ANKAR: variants seen among roughly 807,000 people sequenced by gnomAD.
ANKAR encodes the protein ankyrin and armadillo repeat-containing protein.
In ANKAR, 136 loss-of-function variants were observed where a neutral mutation model predicts 146.2. That is an observed-to-expected ratio of 0.93 (90% confidence interval 0.81 to 1.07). ANKAR has a LOEUF of 1.07. ANKAR is among the 50% of genes least tolerant of loss of function. ANKAR has a pLI of 0.00. For synonymous variants in ANKAR, 500 were observed against 575.8 expected, an observed-to-expected ratio of 0.87 and a Z score of 1.88; for missense variants, 1,567 against 1,679.9, an observed-to-expected ratio of 0.93 and a Z score of 1.18.
chr2:189,681,074 G>A (rs1256824755), intron 2 of ANKAR, among the ~76,000 whole-genome samples: 1 of 152,196 alleles, frequency 6.6e-6, no homozygotes, highest in Non-Finnish European at 1.5e-5. Context: ...TCTCATTTGA[G>A]AGGACGTGGG....
chr2:189,717,217 C>G (rs1306809424), intron 10 of ANKAR, among the ~76,000 whole-genome samples: 3 of 152,120 alleles, frequency 2.0e-5, no homozygotes, highest in Non-Finnish European at 2.9e-5. Context: ...TATCCAGAAT[C>G]TACGGAGAAC....
chr2:189,733,154 G>C lies in ANKAR; in HGVS notation c.3348G>C (p.Val1116=). 6.2e-7 allele frequency: 1 copy of C among 1,612,864 alleles called. No individual in the cohort carries two copies. Among genetic ancestry groups the C allele is most frequent in the Non-Finnish European group, 8.5e-7 (1 of 1,179,362 alleles). The change falls in exon 17 of 23, where the codon GTG becomes GTC. Residue 1116 remains valine, a synonymous_variant. Transcript: ENST00000684021. ...CATGCATTGTCCTAGGGAATGATGT[G>C]TTACAGAAAGACTTACATGAAAATG... ...SLACIVLGND[V]LQKDLHENEG...
intron 19 of ANKAR, among the ~76,000 whole-genome samples, chr2:189,740,523 G>A (rs924921686): frequency 2.0e-5 from 3 of 152,074 alleles, no homozygotes; most frequent in Non-Finnish European, 4.4e-5. Flanking sequence ...ATAATATTCA[G>A]TTGCTAGCTG....
intron 18 of ANKAR, chr2:189,755,091 G>A: frequency 6.8e-7 from 1 of 1,477,704 alleles, no homozygotes; most frequent in East Asian, 2.3e-5. Flanking sequence ...ATATTTAGGT[G>A]AATGGTGGTA....
rs1045679080 is a variant in ANKAR, at chr2:189,758,305, C to A, written c.*585-2793C>A. Reference sequence around the variant, plus strand: ...CTGAGGGGGGAGAATCGCTTGAACCCGGGAGGCGGAGGTTGTGATGAGCCA... The same window carrying A: ...CTGAGGGGGGAGAATCGCTTGAACCAGGGAGGCGGAGGTTGTGATGAGCCA... On this transcript the variant is annotated intron_variant and NMD_transcript_variant, in intron 18 of 18. Coordinates refer to the ANKAR transcript ENST00000441800. Among the ~76,000 whole-genome samples, 3 of 152,080 alleles carry A rather than the reference C, an allele frequency of 2.0e-5. No homozygotes were observed. In the South Asian group the frequency reaches 6.2e-4, roughly 32 times the overall value.
chr2:189,699,834 T>A lies in ANKAR; in HGVS notation c.1708+3465T>A, dbSNP rs1006666496. On this transcript the variant is annotated intron_variant, in intron 7 of 22. Coordinates refer to ENST00000684021, the MANE Select transcript of ANKAR (RefSeq NM_001378068.1). ...GATGTGCACCACTACACCGTATATG[T>A]TTTGTATTTTTAGTAGAGACAGGGT... 3.3e-5 allele frequency among the ~76,000 whole-genome samples: 5 copies of A among 152,136 alleles called. No individual in the cohort carries two copies. In the East Asian group the frequency reaches 9.7e-4, roughly 29 times the overall value.
chr2:189,676,702 T>G lies in ANKAR; in HGVS notation c.212T>G (p.Ile71Ser). 6.2e-7 allele frequency: 1 copy of G among 1,614,208 alleles called. No homozygotes were observed. Among genetic ancestry groups the G allele is most frequent in the Non-Finnish European group, 8.5e-7 (1 of 1,180,044 alleles). Residue 71 changes from isoleucine to serine, a missense_variant, in exon 2 of 23, where the codon ATT (isoleucine) becomes AGT (serine). Transcript: ENST00000684021. ...VRSQVDLPCGIMSQMNNVGFS... is the reference protein window; with the variant it reads ...VRSQVDLPCGSMSQMNNVGFS... ...TCTCAAGTAGACCTCCCATGTGGAA[T>G]TATGAGTCAAATGAATAACGTAGGC...
intron 15 of ANKAR, 109 bp downstream of exon 15, chr2:189,728,930 TA>T (rs1298985433): frequency 9.4e-7 from 1 of 1,066,848 alleles, no homozygotes; most frequent in East Asian, 2.5e-5. Flanking sequence ...GTTTGAGCCC[TA>T]AATGGTATTT....
At chr2:189,732,971 C>T in intron 16 of ANKAR, 136 bp from the exon 17 acceptor site, 1 of 805,528 alleles carries the variant, frequency 1.2e-6, no homozygotes, top group South Asian at 3.1e-5. Context: ...AGTAAGATAA[C>T]TGGAATCAAT....
chr2:189,677,419 A>T (rs1411894716), intron 2 of ANKAR, among the ~76,000 whole-genome samples: 2 of 152,134 alleles, frequency 1.3e-5, no homozygotes, highest in East Asian at 3.9e-4. Context: ...CCCCATGTGT[A>T]GTCTTTTATC....
chr2:189,683,878 C>T (rs1027151506), intron 2 of ANKAR, among the ~76,000 whole-genome samples: 2 of 152,172 alleles, frequency 1.3e-5, no homozygotes, highest in Admixed American at 6.5e-5. Context: ...GCTGGGAATC[C>T]GTCTTGGCCA....
Position 189,737,797 on chromosome 2 carries a change from C to G in ANKAR, c.3538C>G (p.Leu1180Val), listed in dbSNP as rs368191509. 1 of 1,578,088 alleles carries G rather than the reference C, an allele frequency of 6.3e-7. No individual in the cohort carries two copies. The highest frequency in any genetic ancestry group is 8.6e-7 in the Non-Finnish European group (1 of 1,167,944). ...IMTISIFERFLESTVETEKAM... is the reference protein window; with the variant it reads ...IMTISIFERFVESTVETEKAM... ...GACCATATCTATTTTTGAACGTTTT[C>G]TTGAATCAACAGTTGAAACTGAGAA... The change falls in exon 18 of 23, where the codon CTT becomes GTT. Residue 1180 changes from leucine to valine, a missense_variant. Transcript: ENST00000684021.
intron 2 of ANKAR, among the ~76,000 whole-genome samples, chr2:189,680,215 T>C (rs2034440098): frequency 6.6e-6 from 1 of 152,214 alleles, no homozygotes; most frequent in Non-Finnish European, 1.5e-5. Flanking sequence ...CTCTAGATTT[T>C]CTAGTTTGTG....
chr2:189,757,769 C>A (rs1000538019), intron 18 of ANKAR, among the ~76,000 whole-genome samples: 1 of 152,174 alleles, frequency 6.6e-6, no homozygotes, highest in Admixed American at 6.5e-5. Flanking sequence ...CTAAGTATTG[C>A]CTGGCAGCTA....
At chr2:189,728,130 T>C in intron 13 of ANKAR, 33 bp downstream of exon 13, 1 of 1,560,346 alleles carries the variant, frequency 6.4e-7, no homozygotes, top group Non-Finnish European at 8.7e-7. Flanking sequence ...TCATTTTTCT[T>C]AGATGATGTT....
At chr2:189,727,778 G>T in intron 12 of ANKAR, 78 bp from the exon 13 acceptor site, 2 of 1,461,486 alleles carry the variant, frequency 1.4e-6, no homozygotes, top group Non-Finnish European at 9.2e-7. Flanking sequence ...TATAATATGG[G>T]AAACTAATGA....
At chr2:189,711,698 T>G (rs893380285) in intron 10 of ANKAR, among the ~76,000 whole-genome samples, 2 of 152,194 alleles carry the variant, frequency 1.3e-5, no homozygotes, top group Admixed American at 1.3e-4. Context: ...AGACAGGTGA[T>G]TTCTGCATTT....
chr2:189,745,682 C>T (rs552584673), intron 22 of ANKAR, among the ~76,000 whole-genome samples: 21 of 151,956 alleles, frequency 1.4e-4, no homozygotes, highest in African/African-American at 3.9e-4. Context: ...TGTCCTATCA[C>T]GAAAATCAAG....
chr2:189,728,967 T>C (rs1453857002), intron 15 of ANKAR, 146 bp downstream of exon 15: 1 of 763,468 alleles, frequency 1.3e-6, no homozygotes, highest in Non-Finnish European at 1.9e-6. Flanking sequence ...ATTATAACTT[T>C]TAAAGTTTGT....
Sources: allele counts gnomAD v4.1 joint callset (sites outside exome capture counted in the v4.1 genomes callset), GRCh38; gene constraint gnomAD v4.1.1; transcripts MANE v1.5; gene names NCBI Gene and HGNC (gene_info 2026-07-23, HGNC 2026-07-21).